Variants in ROBO2 observed in about 807,000 individuals in gnomAD.
ROBO2 encodes the protein roundabout homolog 2.
In ROBO2, 53 loss-of-function variants were observed where a neutral mutation model predicts 160.8. That is an observed-to-expected ratio of 0.33 (90% CI 0.26 to 0.41). ROBO2 has a LOEUF of 0.41. ROBO2 is among the 10% of genes least tolerant of loss of function. ROBO2 has a pLI of 1.00. For synonymous variants in ROBO2, 664 were observed against 611.7 expected (o/e 1.09, Z -1.26); for missense variants, 1,577 against 1,722.4 (o/e 0.92, Z 1.49).
At chr3:77,527,728 T>A (rs1261371153) in intron 6 of ROBO2, among the ~76,000 whole-genome samples, 1 of 151,556 alleles carries the variant, frequency 6.6e-6, no homozygotes, top group Non-Finnish European at 1.5e-5. Context: ...AAGAAAGCAT[T>A]GCTCTCCTTT....
chr3:77,155,261 T>C (rs2077902815), intron 2 of ROBO2, among the ~76,000 whole-genome samples: 2 of 151,920 alleles, frequency 1.3e-5, no homozygotes, highest in Non-Finnish European at 1.5e-5. Context: ...AATTAGCAGA[T>C]GGAATTAAAG....
At chr3:77,465,170 G>GA (rs1171536625) in intron 2 of ROBO2, among the ~76,000 whole-genome samples, 2 of 152,042 alleles carry the variant, frequency 1.3e-5, no homozygotes, top group African/African-American at 4.8e-5. Context: ...TATGGTGCAT[G>GA]AAAAAAGCCA....
intron 2 of ROBO2, among the ~76,000 whole-genome samples, chr3:76,904,999 A>C (rs113597133): frequency 3.3e-4 from 50 of 152,268 alleles, no homozygotes; most frequent in South Asian, 4.1e-4. Context: ...GTTTGTTTTT[A>C]GGAAACATAC....
chr3:77,096,633 A>T (rs561981057), intron 1 of ROBO2, among the ~76,000 whole-genome samples: 24 of 152,018 alleles, frequency 1.6e-4, no homozygotes, highest in Non-Finnish European at 8.8e-5. Context: ...CATTTTTAGT[A>T]GATATGAGGT....
At chr3:76,273,063 AAAT>A (rs1266909378) in intron 2 of ROBO2, among the ~76,000 whole-genome samples, 1 of 108,630 alleles carries the variant, frequency 9.2e-6, no homozygotes, top group African/African-American at 3.6e-5. Context: ...AATATATAAA[AAAT>A]ATATATAAAT....
intron 2 of ROBO2, among the ~76,000 whole-genome samples, chr3:76,580,328 G>GTTT (rs748888426): frequency 0.46 from 30,781 of 66,546 alleles, 5,310 homozygotes; most frequent in Non-Finnish European, 0.52. Context: ...TTTTTTTTTT[G>GTTT]TTTTTTTTTT....
chr3:76,472,100 T>TGTGTGTGTGTGC (rs1491261065), intron 2 of ROBO2, among the ~76,000 whole-genome samples: 4 of 111,122 alleles, frequency 3.6e-5, no homozygotes, highest in Admixed American at 8.7e-5. Flanking sequence ...TGTGTGTGTG[T>TGTGTGTGTGTGC]GCGCGTGTGC....
intron 1 of ROBO2, among the ~76,000 whole-genome samples, chr3:75,914,587 C>T (rs1946730583): frequency 6.6e-6 from 1 of 152,098 alleles, no homozygotes; most frequent in Non-Finnish European, 1.5e-5. Flanking sequence ...TGCAAATGAA[C>T]ATCAAATTAA....
chr3:76,308,105 A>T (rs2071406825), intron 2 of ROBO2, among the ~76,000 whole-genome samples: 1 of 152,080 alleles, frequency 6.6e-6, no homozygotes, highest in Admixed American at 6.5e-5. Flanking sequence ...TTGGCTGGGC[A>T]TGGTGGCTCA....
At chr3:77,573,190 A>C (rs2153669710) in intron 13 of ROBO2, among the ~76,000 whole-genome samples, 1 of 152,112 alleles carries the variant, frequency 6.6e-6, no homozygotes, top group East Asian at 1.9e-4. Flanking sequence ...TGTTTAAATC[A>C]AGTGTTTCTA....
At chr3:76,730,073 T>C (rs1553884536) in intron 2 of ROBO2, among the ~76,000 whole-genome samples, 1 of 152,096 alleles carries the variant, frequency 6.6e-6, no homozygotes, top group Non-Finnish European at 1.5e-5. Context: ...CACCATCTAT[T>C]AGTATTATCC....
At chr3:76,912,684 A>G (rs563133359) in intron 2 of ROBO2, among the ~76,000 whole-genome samples, 1 of 152,222 alleles carries the variant, frequency 6.6e-6, no homozygotes, top group Non-Finnish European at 1.5e-5. Flanking sequence ...CATATCAGAA[A>G]CAATTTCATA....
chr3:76,812,702 CAGT>C (rs1218463065), intron 2 of ROBO2, among the ~76,000 whole-genome samples: 2 of 151,886 alleles, frequency 1.3e-5, no homozygotes, highest in South Asian at 4.2e-4. Flanking sequence ...TAAAATAAGA[CAGT>C]AGAGCTTTCT....
chr3:76,957,224 A>T (rs762626203), intron 2 of ROBO2, among the ~76,000 whole-genome samples: 10 of 151,636 alleles, frequency 6.6e-5, no homozygotes, highest in Admixed American at 1.3e-4. Flanking sequence ...GTTTTGATTG[A>T]TTATATCCAT....
intron 2 of ROBO2, among the ~76,000 whole-genome samples, chr3:76,278,389 G>A (rs1708052294): frequency 1.3e-5 from 2 of 151,914 alleles, no homozygotes; most frequent in South Asian, 2.1e-4. Flanking sequence ...TTTCGGTCTA[G>A]ATTGTTGAAT....
chr3:77,594,741 A>G (rs1397335194), intron 17 of ROBO2, among the ~76,000 whole-genome samples: 1 of 152,138 alleles, frequency 6.6e-6, no homozygotes, highest in African/African-American at 2.4e-5. Context: ...TTCAATTTAT[A>G]TTATGAGTGT....
intron 2 of ROBO2, among the ~76,000 whole-genome samples, chr3:76,037,018 C>G (rs1463437029): frequency 6.6e-6 from 1 of 151,876 alleles, no homozygotes; most frequent in East Asian, 1.9e-4. Flanking sequence ...TCTTTGTTGT[C>G]TTCTGATTTC....
intron 2 of ROBO2, among the ~76,000 whole-genome samples, chr3:77,381,264 G>A (rs942691258): frequency 1.3e-5 from 2 of 152,126 alleles, no homozygotes; most frequent in African/African-American, 4.8e-5. Context: ...GCAATGAGCC[G>A]AGATCACGCC....
At chr3:76,322,192 AT>A (rs1559761453) in intron 2 of ROBO2, among the ~76,000 whole-genome samples, 11 of 101,930 alleles carry the variant, frequency 1.1e-4, no homozygotes, top group African/African-American at 3.4e-4. Context: ...ATATATATAT[AT>A]ATATATATAT....
Sources: gnomAD v4.1 joint callset for allele counts (sites outside exome capture counted in the v4.1 genomes callset) on GRCh38, gnomAD v4.1.1 for gene constraint, MANE v1.5 for transcripts, NCBI Gene and HGNC (gene_info 2026-07-23, HGNC 2026-07-21) for gene names.